DCT: variants seen among roughly 807,000 people sequenced by gnomAD.
The protein encoded by DCT is dopachrome tautomerase, also known as L-dopachrome tautomerase.
DCT carries 47 observed loss-of-function variants against 53.0 expected under a neutral mutation model. That is an observed-to-expected ratio of 0.89 (90% CI 0.70 to 1.13). The LOEUF (loss-of-function observed/expected upper bound fraction) is 1.13, where lower values mean the gene tolerates loss of function less well. DCT is among the 50% of genes most tolerant of loss of function. The pLI, the probability that DCT is intolerant of heterozygous loss-of-function variation, is 0.00. For synonymous variants in DCT, 244 were observed against 237.0 expected (o/e 1.03, Z -0.27); for missense variants, 669 against 637.4 (o/e 1.05, Z -0.53).
At chr13:94,454,658 C>CA (rs1256158520) in intron 6 of DCT, among the ~76,000 whole-genome samples, 3 of 151,830 alleles carry the variant, frequency 2.0e-5, no homozygotes, top group South Asian at 4.2e-4. Flanking sequence ...AGAGATTTCA[C>CA]AAAAAAAATT....
intron 7 of DCT, among the ~76,000 whole-genome samples, chr13:94,440,676 GT>G (rs761688508): frequency 3.0e-4 from 29 of 98,036 alleles, no homozygotes; most frequent in Admixed American, 1.1e-3. Flanking sequence ...TCATTTTTTG[GT>G]TTTTTTTTTT....
In DCT at chr13:94,479,195, C is replaced by A; in HGVS notation, c.61G>T (p.Ala21Ser). The A allele has an allele frequency of 1.9e-6, 3 of 1,609,692 alleles. No homozygotes were observed. The highest frequency in any genetic ancestry group is 2.6e-6 in the Non-Finnish European group (3 of 1,176,312). Residue 21 changes from alanine (A) to serine (S), a missense_variant, in exon 1 of 8, where the codon GCC (alanine) becomes TCC (serine). Ala to Ser is a moderately conservative substitution (Grantham distance 99). Coordinates refer to ENST00000377028, the MANE Select transcript of DCT (RefSeq NM_001922.5). ...CAGACTCGGGGGAACTGACCCTGGG[C>A]TCCTGGCAGGATTTTGCAGCCCAAG... Reference protein sequence around the residue: ...SCLGCKILPGAQGQFPRVCMT... With the variant: ...SCLGCKILPGSQGQFPRVCMT...
the DCT span, among the ~76,000 whole-genome samples, chr13:94,541,496 C>T: frequency 7.2e-6 from 1 of 138,132 alleles, no homozygotes; most frequent in South Asian, 2.6e-4. Flanking sequence ...AGGAGCGAAA[C>T]CCTGTCTCAA....
the DCT span, among the ~76,000 whole-genome samples, chr13:94,542,821 A>G: frequency 2.0e-5 from 3 of 152,214 alleles, no homozygotes; most frequent in African/African-American, 7.2e-5. Flanking sequence ...AAAAACAAAC[A>G]GGAAACCCTG....
chr13:94,464,438 G>A (rs9670775), intron 4 of DCT, among the ~76,000 whole-genome samples: 27,523 of 152,052 alleles, frequency 0.18, 2,634 homozygotes, highest in Non-Finnish European at 0.2. Flanking sequence ...TCAGGAGATC[G>A]AGACCATCCT....
the DCT span, among the ~76,000 whole-genome samples, chr13:94,543,849 A>G: frequency 2.0e-5 from 3 of 152,164 alleles, no homozygotes; most frequent in Non-Finnish European, 2.9e-5. Flanking sequence ...AGCCTGACCA[A>G]CATGGTGAAA....
chr13:94,455,125 C>T (rs1883325610), intron 6 of DCT, among the ~76,000 whole-genome samples: 2 of 152,120 alleles, frequency 1.3e-5, no homozygotes, highest in South Asian at 4.2e-4. Flanking sequence ...TGGTGACTCA[C>T]CCAGTGCTTT....
At chr13:94,465,871 G>C in intron 3 of DCT, 72 bp from the exon 4 acceptor site, 1 of 1,308,168 alleles carries the variant, frequency 7.6e-7, no homozygotes, top group East Asian at 2.5e-5. Context: ...ACAAGGCAAA[G>C]GCTGATATGT....
chr13:94,532,086 A>C, the DCT span, among the ~76,000 whole-genome samples: 150 of 152,366 alleles, frequency 9.8e-4, no homozygotes, highest in Admixed American at 3.4e-3. Flanking sequence ...CCACAATGAG[A>C]TACCATCTCA....
rs1455914955 is a variant in DCT at position 94,439,733 on chromosome 13, C to T, written c.*165G>A. On this transcript the variant is annotated 3_prime_UTR_variant, in exon 8 of 8. Transcript: ENST00000377028. ...GGGTTTGTTAAACAAGCAAGCAAAG[C>T]GGAAACTACAGCTAAGCATCTTCTG... 2.0e-5 allele frequency: 10 copies of T among 493,702 alleles called. No individual in the cohort carries two copies. Among genetic ancestry groups the T allele is most frequent in the African/African-American group, 5.9e-5 (3 of 50,702 alleles). The allele number at this position is 493,702 out of a possible 1,614,324, so 30.6% of individuals were successfully genotyped here. A position where few individuals can be genotyped will look rare whatever the true frequency, so the allele number is the denominator to read the frequency against.
the DCT span, among the ~76,000 whole-genome samples, chr13:94,488,879 CACAA>C: frequency 6.9e-6 from 1 of 145,714 alleles, no homozygotes; most frequent in African/African-American, 2.8e-5. Context: ...CACATACACA[CACAA>C]ACACACATAT....
intron 6 of DCT, among the ~76,000 whole-genome samples, chr13:94,447,245 C>A (rs568406701): frequency 6.6e-6 from 1 of 152,306 alleles, no homozygotes; most frequent in South Asian, 2.1e-4. Flanking sequence ...TCGAGGAAGA[C>A]AATTTTCACG....
chr13:94,534,723 A>G, the DCT span, among the ~76,000 whole-genome samples: 1 of 152,350 alleles, frequency 6.6e-6, no homozygotes, highest in East Asian at 1.9e-4. Context: ...ATCTTCAAAG[A>G]GCAATCTGAA....
the DCT span, among the ~76,000 whole-genome samples, chr13:94,521,073 G>A: frequency 0.1 from 15,429 of 152,208 alleles, 1,071 homozygotes; most frequent in Non-Finnish European, 0.15. Context: ...GAAGACACAG[G>A]CAGACCTGGG....
chr13:94,463,460 G>C (rs1407175571), intron 4 of DCT, among the ~76,000 whole-genome samples: 1 of 151,976 alleles, frequency 6.6e-6, no homozygotes, highest in African/African-American at 2.4e-5. Flanking sequence ...ATTTTTAGTA[G>C]AGACAGAGCT....
chr13:94,466,938 A>C (rs571771533), intron 2 of DCT: 60 of 209,558 alleles, frequency 2.9e-4, no homozygotes, highest in African/African-American at 1.3e-3. Flanking sequence ...GGAGCCCCTG[A>C]TACATATTTA....
At chr13:94,445,006 G>A (rs1882626805) in intron 6 of DCT, among the ~76,000 whole-genome samples, 1 of 152,148 alleles carries the variant, frequency 6.6e-6, no homozygotes, top group Non-Finnish European at 1.5e-5. Flanking sequence ...TGCATACAGT[G>A]CAAAGCTTAG....
intron 1 of DCT, among the ~76,000 whole-genome samples, chr13:94,478,541 C>A (rs1268027874): frequency 6.6e-6 from 1 of 152,202 alleles, no homozygotes; most frequent in Non-Finnish European, 1.5e-5. Flanking sequence ...GAACACCTGC[C>A]TTTGACTCCT....
the DCT span, among the ~76,000 whole-genome samples, chr13:94,518,990 T>C: frequency 6.6e-6 from 1 of 152,156 alleles, no homozygotes; most frequent in Non-Finnish European, 1.5e-5. Flanking sequence ...TACACTCTTC[T>C]ATTTGAATGG....
Sources: gnomAD v4.1 joint callset for allele counts (sites outside exome capture counted in the v4.1 genomes callset) on GRCh38, gnomAD v4.1.1 for gene constraint, MANE v1.5 for transcripts, NCBI Gene and HGNC (gene_info 2026-07-23, HGNC 2026-07-21) for gene names.